The following TDRD1 variants were observed in gnomAD, a reference collection of about 807,000 sequenced individuals.
The protein encoded by TDRD1 is tudor domain containing 1, also known as tudor domain-containing protein 1.
In TDRD1, 37 loss-of-function variants were observed where a neutral mutation model predicts 140.6. The observed-to-expected ratio is 0.26, with a 90% CI of 0.20 to 0.35. TDRD1 has a LOEUF of 0.35. Among genes scored for constraint, TDRD1 ranks in the 10% least tolerant of loss-of-function variants. The pLI, the probability that TDRD1 is intolerant of heterozygous loss-of-function variation, is 1.00. For missense variants in TDRD1, 1,243 were observed against 1,393.0 expected (o/e 0.89, Z 1.71); for synonymous variants, 506 against 475.7 (o/e 1.06, Z -0.83).
intron 1 of TDRD1, among the ~76,000 whole-genome samples, chr10:114,186,595 G>A (rs548401929): frequency 1.6e-4 from 24 of 152,026 alleles, no homozygotes; most frequent in Non-Finnish European, 3.1e-4. Context: ...GAACGACATT[G>A]CTCTCTTATT....
chr10:114,182,501 GGATTTTGGAGGAATTGTTTTGAGAC>G (rs2033152957), intron 1 of TDRD1, among the ~76,000 whole-genome samples: 1 of 152,062 alleles, frequency 6.6e-6, no homozygotes, highest in Non-Finnish European at 1.5e-5. Context: ...ACTAATTTTT[GGATTTTGGAGGAATTGTTTTGAGAC>G]ATGAAGTTTT....
chr10:114,181,659 G>T (rs2033075340), intron 1 of TDRD1, among the ~76,000 whole-genome samples: 1 of 151,898 alleles, frequency 6.6e-6, no homozygotes, highest in Admixed American at 6.6e-5. Flanking sequence ...TTTGAGACCA[G>T]TCTGGTGAAA....
Position 114,188,162 on chromosome 10 carries a change from T to G in TDRD1, c.325+6T>G. ...CAGGAAAAAATTGCCAGCAGGTGAG[T>G]GAAAACCACAGGCTTCCTACTTCTT... On this transcript the variant is annotated splice_donor_region_variant and intron_variant, in intron 2 of 25. Coordinates refer to ENST00000251864, the Ensembl canonical transcript of TDRD1. The G allele has an allele frequency of 6.4e-7, 1 of 1,562,764 alleles. No homozygotes were observed. The highest frequency in any genetic ancestry group is 8.6e-7 in the Non-Finnish European group (1 of 1,158,382).
Position 114,221,349 on chromosome 10 carries a change from G to A in TDRD1, c.2771-8G>A. The A allele has an allele frequency of 6.2e-7, 1 of 1,612,412 alleles. No homozygotes were observed. The highest frequency in any genetic ancestry group is 1.1e-5 in the South Asian group (1 of 90,850). ...TCCGTGTGAGACCTGTGTTTTGTATGTTTCCAGCTACCTCTTCAGCTGAGC... is the reference window on the plus strand; with the variant it reads ...TCCGTGTGAGACCTGTGTTTTGTATATTTCCAGCTACCTCTTCAGCTGAGC... On this transcript the variant is annotated splice_polypyrimidine_tract_variant and splice_region_variant and intron_variant, in intron 19 of 25. Transcript: ENST00000251864.
chr10:114,204,920 A>G (rs1448077725), intron 10 of TDRD1, 27 bp downstream of exon 10: 3 of 1,546,302 alleles, frequency 1.9e-6, no homozygotes, highest in Non-Finnish European at 2.6e-6. Flanking sequence ...TAAATTGAGT[A>G]CTTAATAGGA....
intron 1 of TDRD1, 50 bp from the exon 2 acceptor site, chr10:114,187,776 C>T: frequency 6.9e-7 from 1 of 1,456,382 alleles, no homozygotes; most frequent in Non-Finnish European, 9.2e-7. Flanking sequence ...TGCAGTTCTT[C>T]TGAAATTTTG....
chr10:114,202,671 C>G (rs1014690592), intron 6 of TDRD1, among the ~76,000 whole-genome samples: 2 of 152,130 alleles, frequency 1.3e-5, no homozygotes, highest in East Asian at 3.8e-4. Flanking sequence ...GAAAAACATC[C>G]GTCGTGTCCA....
chr10:114,225,265 AT>A (rs2036368405), intron 21 of TDRD1, among the ~76,000 whole-genome samples: 2 of 152,212 alleles, frequency 1.3e-5, no homozygotes, highest in Admixed American at 1.3e-4. Flanking sequence ...TTATATGCAA[AT>A]GAGTGTATGA....
At chr10:114,200,158 T>C (rs2034633456) in intron 4 of TDRD1, among the ~76,000 whole-genome samples, 1 of 152,252 alleles carries the variant, frequency 6.6e-6, no homozygotes, top group South Asian at 2.1e-4. Flanking sequence ...GTTGGAATTG[T>C]CATATGCCTC....
At chr10:114,180,967 G>A (rs1399389847) in intron 1 of TDRD1, among the ~76,000 whole-genome samples, 4 of 152,082 alleles carry the variant, frequency 2.6e-5, no homozygotes, top group Non-Finnish European at 5.9e-5. Context: ...ATCTTAGGAA[G>A]CCCCCAGCAA....
At chr10:114,200,759 C>T (rs945110945) in intron 4 of TDRD1, among the ~76,000 whole-genome samples, 6 of 151,118 alleles carry the variant, frequency 4.0e-5, no homozygotes, top group Non-Finnish European at 5.9e-5. Context: ...CTGACCTCAC[C>T]TCAAGTGATC....
At chr10:114,220,137 C>G (rs1475743422) in intron 18 of TDRD1, among the ~76,000 whole-genome samples, 4 of 152,000 alleles carry the variant, frequency 2.6e-5, no homozygotes, top group Non-Finnish European at 5.9e-5. Context: ...GGGTGTAAGC[C>G]AAAATTATCC....
exon 17 of TDRD1, chr10:114,217,602 T>C: frequency 6.2e-7 from 1 of 1,606,004 alleles, no homozygotes; most frequent in Non-Finnish European, 8.5e-7. Flanking sequence ...CAGCAGAAGT[T>C]ACCTAATGGT....
At chr10:114,187,799 G>A (rs1221358277) in intron 1 of TDRD1, 27 bp from the exon 2 acceptor site, 1 of 1,505,052 alleles carries the variant, frequency 6.6e-7, no homozygotes, top group African/African-American at 1.4e-5. Context: ...ATTAAAAGTT[G>A]TCTCTTAAAT....
intron 2 of TDRD1, among the ~76,000 whole-genome samples, chr10:114,188,838 A>C (rs2033742929): frequency 6.6e-6 from 1 of 150,484 alleles, no homozygotes; most frequent in South Asian, 2.2e-4. Flanking sequence ...GCCTGGTGAC[A>C]GAGCGATACT....
At position 114,217,960 on chromosome 10, in the gene TDRD1, A is replaced by C. The variant is rs905583370; in HGVS notation, c.2323+305A>C. 2.6e-5 allele frequency among the ~76,000 whole-genome samples: 4 copies of C among 152,340 alleles called. No homozygotes were observed. The South Asian group carries it at 8.3e-4, about 32-fold the overall frequency. On this transcript the variant is annotated intron_variant, in intron 17 of 25. Transcript: ENST00000251864. The stretch of plus-strand genomic sequence containing the variant: ...AGGTTCATTGTTTCTTCTGGTTACT[A>C]TAAGTATTTACAGTATTTTGAAAAT...
At chr10:114,204,051 T>A (rs1402900826) in intron 8 of TDRD1, 22 bp from the exon 9 acceptor site, 1 of 1,591,106 alleles carries the variant, frequency 6.3e-7, no homozygotes, top group African/African-American at 1.4e-5. Flanking sequence ...TGAAGCAGAG[T>A]ACCATTATAT....
At chr10:114,202,762 T>C (rs571755842) in intron 6 of TDRD1, among the ~76,000 whole-genome samples, 34 of 152,374 alleles carry the variant, frequency 2.2e-4, no homozygotes, top group African/African-American at 7.5e-4. Flanking sequence ...AGGTATTCAT[T>C]CTTACAGAAA....
chr10:114,180,744 G>A (rs1001952164), intron 1 of TDRD1, among the ~76,000 whole-genome samples: 5 of 152,312 alleles, frequency 3.3e-5, no homozygotes, highest in East Asian at 3.9e-4. Context: ...GATTACAGGC[G>A]TGAGCCACAG....
Sources: allele counts gnomAD v4.1 joint callset (sites outside exome capture counted in the v4.1 genomes callset), GRCh38; gene constraint gnomAD v4.1.1; transcripts MANE v1.5; gene names NCBI Gene and HGNC (gene_info 2026-07-23, HGNC 2026-07-21).